PGBD2: variants seen among roughly 807,000 people sequenced by gnomAD.
PGBD2 encodes the protein piggyBac transposable element derived 2.
In PGBD2, 6 loss-of-function variants were observed where a neutral mutation model predicts 8.1. The observed-to-expected ratio is 0.74, with a 90% CI of 0.40 to 1.46. The LOEUF is 1.46. Among genes scored for constraint, PGBD2 ranks in the 40% most tolerant of loss-of-function variants. The pLI, the probability that PGBD2 is intolerant of heterozygous loss-of-function variation, is 0.02. For synonymous variants in PGBD2, 318 were observed against 272.2 expected (o/e 1.17, Z -1.66); for missense variants, 802 against 739.0 (o/e 1.09, Z -0.99).
chr1:248,908,663 CTTCT>C (rs960676186), intron 1 of PGBD2, among the ~76,000 whole-genome samples: 2 of 150,140 alleles, frequency 1.3e-5, no homozygotes, highest in African/African-American at 4.9e-5. Context: ...TACACCCTTC[CTTCT>C]GTTATGCTCT....
At position 248,917,283 on chromosome 1, in the gene PGBD2, C is replaced by G; in HGVS notation, c.699C>G (p.Asn233Lys). 1.2e-6 allele frequency: 2 copies of G among 1,614,168 alleles called. No homozygotes were observed. Residue 233 changes from asparagine (N) to lysine (K), a missense_variant, in exon 3 of 3, where the codon AAC becomes AAG. Coordinates refer to ENST00000329291, the MANE Select transcript of PGBD2 (RefSeq NM_170725.3). ...TCTCATACTTACATTTTGCAGATAACAACGAACTTGATGCAAGTGATAGGT... is the reference window on the plus strand; with the variant it reads ...TCTCATACTTACATTTTGCAGATAAGAACGAACTTGATGCAAGTGATAGGT... ...LIFSYLHFAD[N>K]NELDASDRFA... is the part of the protein sequence containing the mutation.
At chr1:248,885,398 C>T in the PGBD2 span, among the ~76,000 whole-genome samples, 1 of 151,844 alleles carries the variant, frequency 6.6e-6, no homozygotes, top group East Asian at 1.9e-4. Context: ...ACCTCAGCCT[C>T]CTGCATGGCT....
the PGBD2 span, among the ~76,000 whole-genome samples, chr1:248,890,286 T>TC: frequency 6.6e-6 from 1 of 152,052 alleles, no homozygotes; most frequent in East Asian, 1.9e-4. Context: ...AGGTCAGAAG[T>TC]CCCCACAGGT....
At position 248,918,618 on chromosome 1, in the gene PGBD2, T is replaced by C. The variant is rs1662206673; in HGVS notation, c.*255T>C. On this transcript the variant is annotated 3_prime_UTR_variant, in exon 3 of 3. Transcript: ENST00000329291. ...TTATTTAAAGTTATGGATCACTTTT[T>C]ATTCAAATAAAAGTTGTGCTTTGGG... The C allele has an allele frequency of 5.1e-6, 1 of 195,484 alleles. No individual in the cohort carries two copies. The highest frequency in any genetic ancestry group is 6.2e-5 in the Admixed American group (1 of 16,176). The allele number at this position is 195,484 out of a possible 1,614,324, so 12.1% of individuals were successfully genotyped here.
At chr1:248,901,178 A>T in the PGBD2 span, among the ~76,000 whole-genome samples, 2 of 152,230 alleles carry the variant, frequency 1.3e-5, no homozygotes, top group Non-Finnish European at 2.9e-5. Context: ...AAACTAATTT[A>T]TAGATTCAAT....
At chr1:248,888,131 T>C in the PGBD2 span, among the ~76,000 whole-genome samples, 7 of 152,240 alleles carry the variant, frequency 4.6e-5, no homozygotes, top group Admixed American at 3.3e-4. Context: ...ATGGTATATA[T>C]GTACCACAGT....
the PGBD2 span, among the ~76,000 whole-genome samples, chr1:248,874,862 C>G: frequency 1.3e-5 from 2 of 151,558 alleles, no homozygotes; most frequent in Admixed American, 6.6e-5. Flanking sequence ...GTCACATTCT[C>G]TCTCTCTCTC....
At chr1:248,875,056 G>A in the PGBD2 span, among the ~76,000 whole-genome samples, 1 of 152,132 alleles carries the variant, frequency 6.6e-6, no homozygotes. Flanking sequence ...CCAGCACTTT[G>A]GGAGGCTGAG....
the PGBD2 span, among the ~76,000 whole-genome samples, chr1:248,879,784 C>T: frequency 5.3e-4 from 81 of 152,212 alleles, no homozygotes; most frequent in South Asian, 6.0e-3. Flanking sequence ...CAGTAAGATT[C>T]GGACCATATG....
At chr1:248,876,944 A>G in the PGBD2 span, among the ~76,000 whole-genome samples, 1 of 152,182 alleles carries the variant, frequency 6.6e-6, no homozygotes, top group Non-Finnish European at 1.5e-5. Flanking sequence ...GTGATTGTAA[A>G]TGGTCCAAAT....
Position 248,918,755 on chromosome 1 carries a change from TATC to T in PGBD2, c.*395_*397del, listed in dbSNP as rs776162739. 4 of 167,122 alleles carry T rather than the reference TATC, an allele frequency of 2.4e-5. No homozygotes were observed. Among genetic ancestry groups the T allele is most frequent in the Non-Finnish European group, 4.4e-5 (3 of 68,174 alleles). The allele number at this position is 167,122 out of a possible 1,614,324, so 10.4% of individuals were successfully genotyped here. ...TCTAAGATAGGCAATAGTGTATAAATATCATGTAAATGTGATGGATTTCTTAAT... is the reference window on the plus strand; with the variant it reads ...TCTAAGATAGGCAATAGTGTATAAATATGTAAATGTGATGGATTTCTTAAT... On this transcript the variant is annotated 3_prime_UTR_variant, in exon 3 of 3. Coordinates refer to ENST00000329291, the MANE Select transcript of PGBD2 (RefSeq NM_170725.3).
intron 1 of PGBD2, among the ~76,000 whole-genome samples, chr1:248,909,730 C>G (rs1441862583): frequency 6.6e-6 from 1 of 152,018 alleles, no homozygotes; most frequent in Non-Finnish European, 1.5e-5. Flanking sequence ...GCAGGGGATC[C>G]CATAGGCAGG....
At chr1:248,914,561 T>C in intron 2 of PGBD2, 1 of 1,289,210 alleles carries the variant, frequency 7.8e-7, no homozygotes, top group Non-Finnish European at 1.0e-6. Context: ...CATGGGCAGG[T>C]CTGTACTGAT....
At chr1:248,878,430 G>A in the PGBD2 span, among the ~76,000 whole-genome samples, 7 of 152,108 alleles carry the variant, frequency 4.6e-5, no homozygotes, top group Non-Finnish European at 1.0e-4. Flanking sequence ...GCCCGCCTCG[G>A]CCTCCCAAAG....
At chr1:248,913,436 T>C (rs1411215779) in intron 1 of PGBD2, among the ~76,000 whole-genome samples, 7 of 152,224 alleles carry the variant, frequency 4.6e-5, no homozygotes, top group Admixed American at 1.3e-4. Flanking sequence ...CTAATTAATA[T>C]ATTCATTTCC....
chr1:248,876,238 C>T, the PGBD2 span, among the ~76,000 whole-genome samples: 1 of 152,142 alleles, frequency 6.6e-6, no homozygotes, highest in Non-Finnish European at 1.5e-5. Context: ...GAACTCCCAA[C>T]CTCAGGTGAT....
chr1:248,874,239 A>C, the PGBD2 span, among the ~76,000 whole-genome samples: 2 of 152,302 alleles, frequency 1.3e-5, no homozygotes, highest in Non-Finnish European at 1.5e-5. Context: ...TAAATGACGC[A>C]TCATGTCTTC....
the PGBD2 span, among the ~76,000 whole-genome samples, chr1:248,876,434 T>C: frequency 6.6e-6 from 1 of 152,212 alleles, no homozygotes; most frequent in Non-Finnish European, 1.5e-5. Context: ...TTTGGTCCAC[T>C]GTGGTTTCCA....
the PGBD2 span, among the ~76,000 whole-genome samples, chr1:248,879,087 A>G: frequency 1.3e-5 from 2 of 152,218 alleles, no homozygotes; most frequent in African/African-American, 4.8e-5. Context: ...CCACCTGAAC[A>G]GTGAGTGTGT....
Sources: gnomAD v4.1 joint callset for allele counts (sites outside exome capture counted in the v4.1 genomes callset) on GRCh38, gnomAD v4.1.1 for gene constraint, MANE v1.5 for transcripts, NCBI Gene and HGNC (gene_info 2026-07-23, HGNC 2026-07-21) for gene names.